NRG3: variants seen among roughly 807,000 people sequenced by gnomAD.
NRG3 encodes pro-neuregulin-3, membrane-bound isoform.
In NRG3, 31 loss-of-function variants were observed where a neutral mutation model predicts 66.9. The observed-to-expected ratio is 0.46, with a 90% CI of 0.35 to 0.63. The LOEUF is 0.63. NRG3 is among the 20% of genes least tolerant of loss of function. The pLI is 0.00. For missense variants in NRG3, 910 were observed against 878.9 expected (o/e 1.04, Z -0.45); for synonymous variants, 393 against 359.4 (o/e 1.09, Z -1.06).
At chr10:82,716,902 A>T (rs1224790257) in intron 2 of NRG3, among the ~76,000 whole-genome samples, 1 of 152,228 alleles carries the variant, frequency 6.6e-6, no homozygotes, top group East Asian at 1.9e-4. Flanking sequence ...AATACAAATG[A>T]TAAAATTACA....
intron 3 of NRG3, among the ~76,000 whole-genome samples, chr10:82,820,194 T>G (rs949214895): frequency 6.6e-6 from 1 of 152,228 alleles, no homozygotes; most frequent in Non-Finnish European, 1.5e-5. Flanking sequence ...ACTTAGAACC[T>G]AGATCTATCA....
chr10:82,637,141 T>C (rs1181715816), intron 2 of NRG3, among the ~76,000 whole-genome samples: 2 of 152,184 alleles, frequency 1.3e-5, no homozygotes, highest in Admixed American at 1.3e-4. Flanking sequence ...TGTATATGTG[T>C]AGCTGAAAAC....
intron 1 of NRG3, among the ~76,000 whole-genome samples, chr10:82,286,281 C>G (rs1471099098): frequency 6.6e-6 from 1 of 152,030 alleles, no homozygotes; most frequent in Non-Finnish European, 1.5e-5. Context: ...AAAGTAGCAA[C>G]TATAGATTAT....
chr10:82,198,954 G>A (rs1362459552), intron 1 of NRG3, among the ~76,000 whole-genome samples: 3 of 149,028 alleles, frequency 2.0e-5, no homozygotes, highest in East Asian at 2.0e-4. Context: ...CCAAGATCAC[G>A]CCACTGCACT....
intron 3 of NRG3, among the ~76,000 whole-genome samples, chr10:82,813,527 A>G (rs2061583061): frequency 6.6e-6 from 1 of 152,122 alleles, no homozygotes; most frequent in South Asian, 2.1e-4. Context: ...ACCTTTTTAA[A>G]TAAGTCTTAG....
chr10:82,411,107 G>C (rs1218739383), intron 2 of NRG3, among the ~76,000 whole-genome samples: 1 of 152,048 alleles, frequency 6.6e-6, no homozygotes, highest in African/African-American at 2.4e-5. Flanking sequence ...GTACGGACAG[G>C]ATTTCAGCAT....
At chr10:82,486,684 T>C (rs1842704491) in intron 2 of NRG3, among the ~76,000 whole-genome samples, 1 of 152,194 alleles carries the variant, frequency 6.6e-6, no homozygotes, top group Admixed American at 6.5e-5. Flanking sequence ...AGTGCTGGGA[T>C]TACAGGCGTG....
intron 2 of NRG3, among the ~76,000 whole-genome samples, chr10:82,575,815 G>A (rs1357927592): frequency 6.6e-6 from 1 of 151,706 alleles, no homozygotes; most frequent in Non-Finnish European, 1.5e-5. Context: ...TTCGGACAAA[G>A]TATTTCTCCT....
chr10:82,533,662 T>C (rs561752157), intron 2 of NRG3, among the ~76,000 whole-genome samples: 8 of 152,286 alleles, frequency 5.3e-5, no homozygotes, highest in Non-Finnish European at 1.0e-4. Context: ...AGAAAAAGCT[T>C]TTCCTCTATG....
intron 2 of NRG3, among the ~76,000 whole-genome samples, chr10:82,381,538 C>A (rs1056536890): frequency 6.6e-6 from 1 of 152,136 alleles, no homozygotes; most frequent in African/African-American, 2.4e-5. Flanking sequence ...TTCTCAACAA[C>A]GTGTACAAGA....
intron 2 of NRG3, among the ~76,000 whole-genome samples, chr10:82,619,041 G>A (rs2048857998): frequency 6.6e-6 from 1 of 151,914 alleles, no homozygotes; most frequent in African/African-American, 2.4e-5. Context: ...AAGAATAAGT[G>A]GAGGTTTGGC....
chr10:82,368,661 T>C (rs1302244840), intron 2 of NRG3, among the ~76,000 whole-genome samples: 1 of 138,364 alleles, frequency 7.2e-6, no homozygotes, highest in African/African-American at 3.4e-5. Flanking sequence ...GTCTGGAAGC[T>C]TCTCCCATGC....
intron 4 of NRG3, among the ~76,000 whole-genome samples, chr10:82,874,561 G>C (rs1346813391): frequency 1.3e-5 from 2 of 152,058 alleles, no homozygotes; most frequent in African/African-American, 4.8e-5. Context: ...AAAGAGTTTA[G>C]TTTTGCTAGT....
chr10:81,910,565 G>A lies in NRG3; in HGVS notation c.823+34402G>A, dbSNP rs138669021. On this transcript the variant is annotated intron_variant, in intron 1 of 8. Transcript: ENST00000372141. ...TCTTAGACCAAAATAGAAATCTCCA[G>A]TGTTGCCTGTTTGTCAAGGAAGCCT... is the stretch of plus-strand genomic sequence containing the variant. Among the ~76,000 whole-genome samples, 4 of 152,314 alleles carry A rather than the reference G, an allele frequency of 2.6e-5. No homozygotes were observed. In the East Asian group the frequency reaches 7.7e-4, roughly 29 times the overall value.
Position 81,941,867 on chromosome 10 carries a change from A to G in NRG3, c.823+65704A>G, listed in dbSNP as rs878980350. Among the ~76,000 whole-genome samples the G allele has an allele frequency of 2.6e-5, 4 of 152,114 alleles. No homozygotes were observed. In the East Asian group the frequency reaches 5.8e-4, roughly 22 times the overall value. ...CACAGAGTTAGACATTGATTTTTAC[A>G]TATTGAACTTCTGCATTAGCATTTC... On this transcript the variant is annotated intron_variant, in intron 1 of 8. Transcript: ENST00000372141.
At chr10:82,144,551 C>CTCATGTAGTCTTTAGT (rs2070100757) in intron 1 of NRG3, among the ~76,000 whole-genome samples, 1 of 152,150 alleles carries the variant, frequency 6.6e-6, no homozygotes, top group East Asian at 1.9e-4. Context: ...AGAGTAGTCT[C>CTCATGTAGTCTTTAGT]ATGGGCTAAA....
intron 6 of NRG3, among the ~76,000 whole-genome samples, chr10:82,966,647 C>T (rs1461557884): frequency 4.6e-5 from 7 of 152,080 alleles, no homozygotes; most frequent in African/African-American, 1.7e-4. Flanking sequence ...TGGGGAGTTA[C>T]GGTCTTCTTT....
At chr10:82,377,216 G>A (rs998349928) in intron 2 of NRG3, among the ~76,000 whole-genome samples, 3 of 152,120 alleles carry the variant, frequency 2.0e-5, no homozygotes, top group African/African-American at 4.8e-5. Flanking sequence ...CGAATAACTT[G>A]CTCATTTTAT....
intron 3 of NRG3, among the ~76,000 whole-genome samples, chr10:82,790,976 C>T (rs918182208): frequency 2.0e-5 from 3 of 151,284 alleles, no homozygotes; most frequent in Non-Finnish European, 4.4e-5. Context: ...AGGTATTATT[C>T]TCATATTTTA....
Sources: gnomAD v4.1 joint callset for allele counts (sites outside exome capture counted in the v4.1 genomes callset) on GRCh38, gnomAD v4.1.1 for gene constraint, MANE v1.5 for transcripts, NCBI Gene and HGNC (gene_info 2026-07-23, HGNC 2026-07-21) for gene names.